Variants in RIMKLA observed in about 807,000 individuals in gnomAD.
RIMKLA encodes the protein ribosomal modification protein rimK like family member A.
Under a neutral mutation model 32.7 loss-of-function variants are expected in RIMKLA, and 14 were observed. The ratio of observed to expected loss-of-function variants is 0.43; its 90% CI spans 0.28 to 0.67. The LOEUF (loss-of-function observed/expected upper bound fraction) is 0.67. RIMKLA is among the 30% of genes least tolerant of loss of function. The pLI, the probability that RIMKLA is intolerant of heterozygous loss-of-function variation, is 0.18. For missense variants in RIMKLA, 410 were observed against 519.0 expected (o/e 0.79, Z 2.04); for synonymous variants, 176 against 204.1 (o/e 0.86, Z 1.18).
intron 3 of RIMKLA, among the ~76,000 whole-genome samples, chr1:42,409,257 G>A (rs1375888627): frequency 7.0e-6 from 1 of 142,298 alleles, no homozygotes; most frequent in East Asian, 2.2e-4. Flanking sequence ...TTACAAAAGT[G>A]TAGGCAATTT....
At chr1:42,400,409 G>T (rs12098213) in intron 2 of RIMKLA, among the ~76,000 whole-genome samples, 6,788 of 152,256 alleles carry the variant, frequency 0.045, 461 homozygotes, top group African/African-American at 0.15. Flanking sequence ...GGGCAAAGTA[G>T]AGACAGGACA....
At chr1:42,387,342 T>G (rs1283516245) in intron 1 of RIMKLA, among the ~76,000 whole-genome samples, 3 of 151,912 alleles carry the variant, frequency 2.0e-5, no homozygotes, top group Non-Finnish European at 2.9e-5. Flanking sequence ...GGCAGGAGGA[T>G]CCTGTGATAG....
At chr1:42,404,662 C>A in intron 3 of RIMKLA, 65 bp downstream of exon 3, 5 of 1,005,770 alleles carry the variant, frequency 5.0e-6, no homozygotes, top group East Asian at 2.4e-5. Context: ...TCTGCCTGGA[C>A]AAGACACTCC....
chr1:42,381,684 G>T (rs369577926), intron 1 of RIMKLA, among the ~76,000 whole-genome samples: 16 of 152,250 alleles, frequency 1.1e-4, no homozygotes, highest in African/African-American at 3.9e-4. Context: ...CTCCCTAGCA[G>T]CGTTGAATTC....
In RIMKLA at chr1:42,399,629, C is replaced by T. The variant is rs752573400; in HGVS notation, c.389C>T (p.Ser130Phe). Residue 130 changes from serine to phenylalanine, a missense_variant, in exon 2 of 5, where the codon TCC becomes TTC. Transcript: ENST00000431473. ...GGGGTCCCCATGCCAGACACCTTCT[C>T]CTATGGTGAGTCAGCTTGAAATAGC... ...GHGVPMPDTF[S>F]YGGHEDFSKM... 4 of 1,594,386 alleles carry T rather than the reference C, an allele frequency of 2.5e-6. No individual in the cohort carries two copies. The highest frequency in any genetic ancestry group is 8.6e-7 in the Non-Finnish European group (1 of 1,166,618).
chr1:42,410,694 A>T (rs1267520111), intron 4 of RIMKLA, among the ~76,000 whole-genome samples: 1 of 152,230 alleles, frequency 6.6e-6, no homozygotes, highest in Non-Finnish European at 1.5e-5. Flanking sequence ...GCATAAACCC[A>T]TCCCATTAAC....
At chr1:42,408,796 C>T (rs1259163375) in intron 3 of RIMKLA, among the ~76,000 whole-genome samples, 1 of 152,114 alleles carries the variant, frequency 6.6e-6, no homozygotes, top group Non-Finnish European at 1.5e-5. Context: ...TTAGGAAAAC[C>T]ATCTCTTTGT....
At chr1:42,392,706 C>T (rs1388861880) in intron 1 of RIMKLA, among the ~76,000 whole-genome samples, 2 of 152,188 alleles carry the variant, frequency 1.3e-5, no homozygotes, top group African/African-American at 2.4e-5. Flanking sequence ...GTGGCTCATA[C>T]CCTGAGAGGT....
intron 1 of RIMKLA, among the ~76,000 whole-genome samples, chr1:42,396,255 A>AC (rs1378003059): frequency 1.1e-4 from 17 of 151,110 alleles, no homozygotes; most frequent in Admixed American, 5.3e-4. Context: ...AAAAAAAAAA[A>AC]AAAAAAGAAT....
At position 42,381,071 on chromosome 1, in the gene RIMKLA, C is replaced by T; in HGVS notation, c.137C>T (p.Ala46Val). 7.8e-7 allele frequency: 1 copy of T among 1,290,168 alleles called. No individual in the cohort carries two copies. 79.9% of individuals were successfully genotyped at this position (1,290,168 alleles called of 1,614,324 possible). The change falls in exon 1 of 5, where the codon GCC becomes GTC. Residue 46 changes from alanine to valine, a missense_variant. By Grantham distance (64) the Ala-to-Val change is moderately conservative. Coordinates refer to ENST00000431473, the MANE Select transcript of RIMKLA (RefSeq NM_173642.4). Reference protein sequence around the residue: ...RFRAVLMDQIAVTIVGGHLGL... With the variant: ...RFRAVLMDQIVVTIVGGHLGL... Reference sequence around the variant, plus strand: ...CGGGCGGTGCTTATGGACCAGATCGCCGTCACCATCGTCGGCGGCCACCTC... The same window carrying T: ...CGGGCGGTGCTTATGGACCAGATCGTCGTCACCATCGTCGGCGGCCACCTC...
rs759444508 is a variant in RIMKLA, at chr1:42,404,540, G to A, written c.424G>A (p.Asp142Asn). ...GGHEDFSKMI[D>N]EAEPLGYPVV... ...GCATGAAGACTTTTCAAAAATGATTGATGAAGCTGAGCCCCTGGGCTACCC... is the reference window on the plus strand; with the variant it reads ...GCATGAAGACTTTTCAAAAATGATTAATGAAGCTGAGCCCCTGGGCTACCC... Residue 142 changes from aspartate (D) to asparagine (N), a missense_variant, in exon 3 of 5, where the codon GAT becomes AAT. Physicochemically the swap from Asp to Asn is conservative, Grantham distance 23 (BLOSUM62 1). Transcript: ENST00000431473. 3 of 1,613,760 alleles carry A rather than the reference G, an allele frequency of 1.9e-6. No homozygotes were observed. Among genetic ancestry groups the A allele is most frequent in the Non-Finnish European group, 2.5e-6 (3 of 1,179,850 alleles).
intron 1 of RIMKLA, among the ~76,000 whole-genome samples, chr1:42,394,294 C>T (rs1035293486): frequency 1.1e-4 from 16 of 152,132 alleles, no homozygotes; most frequent in Admixed American, 6.5e-4. Context: ...ACCAGACATC[C>T]GTTTGGTGTT....
chr1:42,410,097 G>A lies in RIMKLA; in HGVS notation c.595G>A (p.Asp199Asn), dbSNP rs1309755149. Residue 199 changes from aspartate to asparagine, a missense_variant, in exon 4 of 5, where the codon GAC (aspartate) becomes AAC (asparagine). By Grantham distance (23) the Asp-to-Asn change is conservative. Coordinates refer to ENST00000431473, the MANE Select transcript of RIMKLA (RefSeq NM_173642.4). The part of the protein sequence containing the change: ...QKYVKESHGK[D>N]IRVVVVGGQV... ...GTACGTGAAGGAGTCCCATGGAAAG[G>A]ACATCCGGGTGGTGGTGGTAGGGGG... The A allele has an allele frequency of 6.2e-7, 1 of 1,614,166 alleles. No homozygotes were observed. The highest frequency in any genetic ancestry group is 1.1e-5 in the South Asian group (1 of 91,078).
At chr1:42,414,013 C>T (rs917720398) in intron 4 of RIMKLA, among the ~76,000 whole-genome samples, 3 of 151,692 alleles carry the variant, frequency 2.0e-5, no homozygotes, top group African/African-American at 7.3e-5. Flanking sequence ...ACGTCAGCCT[C>T]CCAAAGTGCT....
In RIMKLA at chr1:42,417,666, A is replaced by T. The variant is rs1161742990; in HGVS notation, c.*2692A>T. ...AACAGTTTCCCATCACTCCTTAAAG[A>T]AAAAGGCCAGGCCGGGCGTGGTGGT... On this transcript the variant is annotated 3_prime_UTR_variant, in exon 5 of 5. Coordinates refer to ENST00000431473, the MANE Select transcript of RIMKLA (RefSeq NM_173642.4). 6.6e-6 allele frequency: 1 copy of T among 152,262 alleles called. No individual in the cohort carries two copies. Among genetic ancestry groups the T allele is most frequent in the African/African-American group, 2.4e-5 (1 of 41,432 alleles). 9.4% of individuals were successfully genotyped at this position (152,262 alleles called of 1,614,324 possible).
chr1:42,410,109 G>T lies in RIMKLA; in HGVS notation c.607G>T (p.Val203Leu), dbSNP rs761592786. Residue 203 changes from valine (V) to leucine (L), a missense_variant, in exon 4 of 5, where the codon GTG becomes TTG. Physicochemically the swap from Val to Leu is conservative, Grantham distance 32. Transcript: ENST00000431473. ...KESHGKDIRV[V>L]VVGGQVIGSM... is the part of the protein sequence containing the mutation. Reference sequence around the variant, plus strand: ...GTCCCATGGAAAGGACATCCGGGTGGTGGTGGTAGGGGGCCAGGTCATAGG... The same window carrying T: ...GTCCCATGGAAAGGACATCCGGGTGTTGGTGGTAGGGGGCCAGGTCATAGG... 7 of 1,614,098 alleles carry T rather than the reference G, an allele frequency of 4.3e-6. No individual in the cohort carries two copies. The highest frequency in any genetic ancestry group is 5.9e-6 in the Non-Finnish European group (7 of 1,180,036).
chr1:42,421,962 T>G lies in RIMKLA; in HGVS notation c.*6988T>G, dbSNP rs1643298885. On this transcript the variant is annotated 3_prime_UTR_variant, in exon 5 of 5. Coordinates refer to ENST00000431473, the MANE Select transcript of RIMKLA (RefSeq NM_173642.4). This position sits in a 1 kb window ranked among gnomAD's most constrained non-coding sequence, Gnocchi z 4.6. ...GCACATCTCTTCCCAACCTGAACAT[T>G]CAGTGACATCACATCAGTAGCTGGG... 6.6e-6 allele frequency: 1 copy of G among 152,172 alleles called. No individual in the cohort carries two copies. The highest frequency in any genetic ancestry group is 1.5e-5 in the Non-Finnish European group (1 of 68,036). 9.4% of individuals were successfully genotyped at this position (152,172 alleles called of 1,614,324 possible). A position where few individuals can be genotyped will look rare whatever the true frequency, so the allele number is the denominator to read the frequency against.
At chr1:42,410,293 C>A in intron 4 of RIMKLA, 106 bp downstream of exon 4, 1 of 899,220 alleles carries the variant, frequency 1.1e-6, no homozygotes, top group Non-Finnish European at 1.7e-6. Flanking sequence ...ACCAGGATCT[C>A]ACAGATGAGA....
chr1:42,394,530 C>T (rs1643026299), intron 1 of RIMKLA, among the ~76,000 whole-genome samples: 2 of 152,272 alleles, frequency 1.3e-5, no homozygotes, highest in South Asian at 2.1e-4. Context: ...AATAGAGGCT[C>T]AATAAAAATC....
Sources: gnomAD v4.1 joint callset for allele counts (sites outside exome capture counted in the v4.1 genomes callset) on GRCh38, gnomAD v4.1.1 for gene constraint, Gnocchi (gnomAD v3.1) non-coding constraint, MANE v1.5 for transcripts, NCBI Gene and HGNC (gene_info 2026-07-23, HGNC 2026-07-21) for gene names.